Variants in TFDP2 observed in about 807,000 individuals in gnomAD.
TFDP2 encodes transcription factor Dp-2 (E2F dimerization partner 2).
A neutral mutation model predicts 59.3 loss-of-function variants in TFDP2; 17 were observed. That is an observed-to-expected ratio of 0.29 (90% CI 0.20 to 0.43). The LOEUF is 0.43. TFDP2 is among the 20% of genes least tolerant of loss of function. TFDP2 has a pLI of 1.00. For synonymous variants in TFDP2, 180 were observed against 194.7 expected (o/e 0.92, Z 0.63); for missense variants, 391 against 528.8 (o/e 0.74, Z 2.56).
intron 3 of TFDP2, among the ~76,000 whole-genome samples, chr3:142,039,652 G>A (rs941669320): frequency 2.0e-5 from 3 of 152,110 alleles, no homozygotes; most frequent in Non-Finnish European, 2.9e-5. Context: ...CCACCCCTGG[G>A]GTTCAAATGA....
intron 3 of TFDP2, among the ~76,000 whole-genome samples, chr3:142,091,565 C>T (rs2060997072): frequency 6.7e-6 from 1 of 149,604 alleles, no homozygotes; most frequent in South Asian, 2.1e-4. Context: ...GACTCTGCCA[C>T]CAAAAAAAAA....
chr3:142,072,919 G>C (rs1419288577), intron 3 of TFDP2, among the ~76,000 whole-genome samples: 3 of 152,162 alleles, frequency 2.0e-5, no homozygotes, highest in African/African-American at 7.2e-5. Context: ...ATAACTCCCT[G>C]CTCCTCAAGT....
At chr3:142,102,260 T>C (rs2061336488) in intron 1 of TFDP2, among the ~76,000 whole-genome samples, 1 of 152,218 alleles carries the variant, frequency 6.6e-6, no homozygotes, top group Non-Finnish European at 1.5e-5. Flanking sequence ...TTAAAGAGCC[T>C]ACAGCTGGAC....
At chr3:142,130,291 A>G (rs1022725717) in intron 1 of TFDP2, among the ~76,000 whole-genome samples, 5 of 152,102 alleles carry the variant, frequency 3.3e-5, no homozygotes, top group East Asian at 3.8e-4. Context: ...GACATATGCT[A>G]CATTGATGAA....
At chr3:141,975,163 C>T (rs1415148559) in intron 7 of TFDP2, among the ~76,000 whole-genome samples, 3 of 151,772 alleles carry the variant, frequency 2.0e-5, no homozygotes, top group South Asian at 4.2e-4. Flanking sequence ...CTGCCTGCCT[C>T]GACCTCCCAA....
chr3:141,991,111 G>C (rs1434110488), intron 6 of TFDP2, among the ~76,000 whole-genome samples: 1 of 152,098 alleles, frequency 6.6e-6, no homozygotes. Flanking sequence ...TGAAAAGCAT[G>C]TTACATTTTA....
At chr3:141,968,998 T>G (rs1348513164) in intron 9 of TFDP2, among the ~76,000 whole-genome samples, 14 of 100,896 alleles carry the variant, frequency 1.4e-4, no homozygotes, top group Non-Finnish European at 2.0e-4. Context: ...ATAACATATA[T>G]CTCATATATA....
chr3:142,093,450 CAA>C (rs528450916), intron 2 of TFDP2, among the ~76,000 whole-genome samples: 3 of 116,422 alleles, frequency 2.6e-5, no homozygotes, highest in Non-Finnish European at 3.6e-5. Context: ...GACCCTGTCT[CAA>C]AAAAAAAAAA....
At chr3:142,129,285 TGGAG>T (rs202071296) in intron 1 of TFDP2, among the ~76,000 whole-genome samples, 2,221 of 152,004 alleles carry the variant, frequency 0.015, 25 homozygotes, top group South Asian at 0.043. Context: ...TGGGGGTTGC[TGGAG>T]GAAGTAACAG....
At chr3:142,134,962 GAC>G (rs2062665804) in intron 1 of TFDP2, among the ~76,000 whole-genome samples, 1 of 152,018 alleles carries the variant, frequency 6.6e-6, no homozygotes, top group African/African-American at 2.4e-5. Flanking sequence ...CAATTTACCA[GAC>G]ATACCAATAT....
chr3:142,115,569 C>T (rs1046865603), intron 1 of TFDP2, among the ~76,000 whole-genome samples: 3 of 152,172 alleles, frequency 2.0e-5, no homozygotes, highest in Non-Finnish European at 2.9e-5. Context: ...CCGCCGGCCT[C>T]GGCCTCCCAA....
intron 10 of TFDP2, among the ~76,000 whole-genome samples, chr3:141,962,236 G>A (rs11569266): frequency 2.0e-5 from 3 of 151,912 alleles, no homozygotes; most frequent in Non-Finnish European, 2.9e-5. Context: ...GAGCCAACAC[G>A]CCCGGCCAAG....
chr3:142,110,701 C>T (rs1356752342), intron 1 of TFDP2, among the ~76,000 whole-genome samples: 1 of 152,114 alleles, frequency 6.6e-6, no homozygotes, highest in African/African-American at 2.4e-5. Flanking sequence ...CCTGTAATCC[C>T]AGCACTTTGG....
At chr3:142,035,603 T>C (rs1394827335) in intron 3 of TFDP2, among the ~76,000 whole-genome samples, 2 of 152,304 alleles carry the variant, frequency 1.3e-5, no homozygotes, top group East Asian at 1.9e-4. Context: ...CTAACTGATA[T>C]GGTTTCGCTG....
At chr3:141,981,976 G>A (rs73230676) in intron 6 of TFDP2, among the ~76,000 whole-genome samples, 291 of 152,276 alleles carry the variant, frequency 1.9e-3, no homozygotes, top group Non-Finnish European at 3.4e-3. Context: ...TACTGAGATC[G>A]AAGAGATGAA....
At chr3:142,147,222 T>C (rs1452691624) in intron 1 of TFDP2, among the ~76,000 whole-genome samples, 1 of 152,206 alleles carries the variant, frequency 6.6e-6, no homozygotes, top group Non-Finnish European at 1.5e-5. Flanking sequence ...CCTAGAGTCA[T>C]GTATCCCAGA....
intron 6 of TFDP2, among the ~76,000 whole-genome samples, chr3:141,982,748 T>C (rs1941622397): frequency 1.3e-5 from 2 of 152,214 alleles, no homozygotes; most frequent in African/African-American, 4.8e-5. Flanking sequence ...TTTTAACAAC[T>C]ATTATAAAAC....
chr3:142,128,450 G>A (rs1186470761), intron 1 of TFDP2, among the ~76,000 whole-genome samples: 1 of 152,110 alleles, frequency 6.6e-6, no homozygotes, highest in East Asian at 1.9e-4. Context: ...CAAGAGAAAA[G>A]ACCTGCAAGC....
chr3:141,987,650 G>A (rs1312656205), intron 6 of TFDP2, among the ~76,000 whole-genome samples: 4 of 151,084 alleles, frequency 2.6e-5, no homozygotes, highest in East Asian at 2.0e-4. Context: ...CTTCTCGGCC[G>A]GGTGCGGTGG....
Sources: allele counts gnomAD v4.1 joint callset (sites outside exome capture counted in the v4.1 genomes callset), GRCh38; gene constraint gnomAD v4.1.1; transcripts MANE v1.5; gene names NCBI Gene and HGNC (gene_info 2026-07-23, HGNC 2026-07-21).